The following F13B variants were observed in gnomAD, a reference collection of about 807,000 sequenced individuals.
F13B encodes TGase.
F13B carries 58 observed loss-of-function variants against 79.8 expected under a neutral mutation model. That is an observed-to-expected ratio of 0.73 (90% CI 0.59 to 0.90). The LOEUF (loss-of-function observed/expected upper bound fraction) is 0.90. Ranked by LOEUF, F13B falls within the 40% of genes least tolerant of loss-of-function variation. The pLI is 0.00. For synonymous variants in F13B, 283 were observed against 260.3 expected (o/e 1.09, Z -0.84); for missense variants, 773 against 777.0 (o/e 0.99, Z 0.06).
Position 197,060,392 on chromosome 1 carries a change from C to A in F13B, c.779G>T (p.Trp260Leu), listed in dbSNP as rs2125071222. 1 of 1,612,106 alleles carries A rather than the reference C, an allele frequency of 6.2e-7. No homozygotes were observed. The highest frequency in any genetic ancestry group is 8.5e-7 in the Non-Finnish European group (1 of 1,178,734). ...TTCGCATACAGGAGATTCTGGGTAC[C>A]AACCAAAGTTATAGCATTGAATTAA... ...SDLIQCYNFG[W>L]YPESPVCEGR... Residue 260 changes from tryptophan (W) to leucine (L), a missense_variant, in exon 5 of 12, where the codon TGG becomes TTG. Transcript: ENST00000367412.
chr1:197,056,362 T>C (rs890222929), intron 7 of F13B, among the ~76,000 whole-genome samples: 2 of 152,176 alleles, frequency 1.3e-5, no homozygotes, highest in Non-Finnish European at 2.9e-5. Flanking sequence ...GCATCCTTCA[T>C]TGCTTTTGTC....
chr1:197,040,670 T>C lies in F13B; in HGVS notation c.1804A>G (p.Asn602Asp). The change falls in exon 11 of 12, where the codon AAT becomes GAT. Residue 602 changes from asparagine to aspartate, a missense_variant. Transcript: ENST00000367412. The stretch of plus-strand genomic sequence containing the variant: ...TCACCATGCAAAATGTGTGGTCTAT[T>C]GTCAAAATCCCATTTCAGAAGTAAA... The part of the protein sequence containing the change: ...NNLLLKWDFD[N>D]RPHILHGEYI... 1 of 1,613,156 alleles carries C rather than the reference T, an allele frequency of 6.2e-7. No homozygotes were observed. The highest frequency in any genetic ancestry group is 8.5e-7 in the Non-Finnish European group (1 of 1,179,368).
chr1:197,049,286 A>G (rs1390968406), intron 10 of F13B, among the ~76,000 whole-genome samples: 1 of 152,068 alleles, frequency 6.6e-6, no homozygotes, highest in Admixed American at 6.6e-5. Flanking sequence ...TTAATAAAAT[A>G]GAAAGCAAAA....
chr1:197,041,648 C>T (rs924025390), intron 10 of F13B, among the ~76,000 whole-genome samples: 7 of 152,076 alleles, frequency 4.6e-5, no homozygotes, highest in Non-Finnish European at 1.0e-4. Context: ...TTCAAGAGCC[C>T]CAGTGCATGC....
In F13B at chr1:197,050,850, G is replaced by A. The variant is rs754557020; in HGVS notation, c.1585C>T (p.Leu529Phe). ...CTAATAATGACTCCATGTTTAATAAGAGGAGGAGATGTGCACATTCCTTTA... is the reference window on the plus strand; with the variant it reads ...CTAATAATGACTCCATGTTTAATAAAAGGAGGAGATGTGCACATTCCTTTA... ...ESKGMCTSPP[L>F]IKHGVIISST... The change falls in exon 10 of 12, where the codon CTT (leucine) becomes TTT (phenylalanine). Residue 529 changes from leucine (L) to phenylalanine (F), a missense_variant. Transcript: ENST00000367412. The A allele has an allele frequency of 6.2e-7, 1 of 1,613,184 alleles. No individual in the cohort carries two copies. The highest frequency in any genetic ancestry group is 8.5e-7 in the Non-Finnish European group (1 of 1,179,502).
rs2125071287 is a variant in F13B, at chr1:197,060,445, A to G, written c.726T>C (p.His242=). The G allele has an allele frequency of 6.2e-7, 1 of 1,610,962 alleles. No individual in the cohort carries two copies. The highest frequency in any genetic ancestry group is 8.5e-7 in the Non-Finnish European group (1 of 1,177,842). The change falls in exon 5 of 12, where the codon CAT becomes CAC. Residue 242 remains histidine (H), a synonymous_variant. Coordinates refer to ENST00000367412, the MANE Select transcript of F13B (RefSeq NM_001994.3). ...EEGDVVQFFC[H]ENYYLSGSDL... is the part of the protein sequence containing the mutation. ...CAGATCCACTTAGATAATAATTTTC[A>G]TGACAGAAAAACTGAACGACATCTC...
chr1:197,064,062 A>T (rs1236169140), intron 1 of F13B, among the ~76,000 whole-genome samples: 1 of 152,182 alleles, frequency 6.6e-6, no homozygotes, highest in East Asian at 1.9e-4. Context: ...CCTGGTACTT[A>T]GCATTACTAG....
intron 9 of F13B, among the ~76,000 whole-genome samples, chr1:197,052,407 C>A (rs1655480188): frequency 1.3e-5 from 2 of 151,990 alleles, no homozygotes; most frequent in Non-Finnish European, 2.9e-5. Flanking sequence ...TTCGACGCAG[C>A]AATTCCATTA....
At position 197,060,553 on chromosome 1, in the gene F13B, AAG is replaced by A; in HGVS notation, c.629-13_629-12del. The A allele has an allele frequency of 6.5e-7, 1 of 1,527,494 alleles. No individual in the cohort carries two copies. The highest frequency in any genetic ancestry group is 2.3e-5 in the East Asian group (1 of 44,276). 94.6% of individuals were successfully genotyped at this position (1,527,494 alleles called of 1,614,324 possible). A position where few individuals can be genotyped will look rare whatever the true frequency, so the allele number is the denominator to read the frequency against. On this transcript the variant is annotated splice_polypyrimidine_tract_variant and intron_variant, in intron 4 of 11. Transcript: ENST00000367412. ...AAGAGCACTTTAATTCTGCAAATAA[AAG>A]AATGAATAAAATTACAAACAAATGT...
chr1:197,061,804 G>T lies in F13B; in HGVS notation c.431C>A (p.Pro144Gln). Reference sequence around the variant, plus strand: ...TATACCATGTTCTTTCCTACAGGTTGGTTGAGAAGACCATCCATCAGAGAG... The same window carrying T: ...TATACCATGTTCTTTCCTACAGGTTTGTTGAGAAGACCATCCATCAGAGAG... ...QCLSDGWSSQ[P>Q]TCRKEHETCL... The change falls in exon 3 of 12, where the codon CCA becomes CAA. Residue 144 changes from proline (P) to glutamine (Q), a missense_variant. Transcript: ENST00000367412. The T allele has an allele frequency of 6.2e-7, 1 of 1,613,150 alleles. No individual in the cohort carries two copies. The highest frequency in any genetic ancestry group is 1.1e-5 in the South Asian group (1 of 91,064).
chr1:197,065,594 T>A (rs1041448326), intron 1 of F13B, among the ~76,000 whole-genome samples: 3 of 152,128 alleles, frequency 2.0e-5, no homozygotes, highest in Non-Finnish European at 4.4e-5. Context: ...ATGATATACT[T>A]CAAAACTGCC....
rs766115775 is a variant in F13B at position 197,062,849 on chromosome 1, T to C, written c.265+8A>G. On this transcript the variant is annotated splice_region_variant and intron_variant, in intron 2 of 11. Transcript: ENST00000367412. ...TGAAACATTGAGTGACATATCCAGC[T>C]GACTTACTGAAGCACCTTGGCTCTG... is the stretch of plus-strand genomic sequence containing the variant. 6.2e-7 allele frequency: 1 copy of C among 1,613,508 alleles called. No homozygotes were observed.
intron 8 of F13B, among the ~76,000 whole-genome samples, chr1:197,054,040 G>A (rs1337625795): frequency 6.6e-6 from 1 of 152,058 alleles, no homozygotes; most frequent in Non-Finnish European, 1.5e-5. Flanking sequence ...TTATCATACT[G>A]TTGTGAATTT....
chr1:197,042,142 G>A (rs912114938), intron 10 of F13B, among the ~76,000 whole-genome samples: 1 of 152,182 alleles, frequency 6.6e-6, no homozygotes, highest in Non-Finnish European at 1.5e-5. Context: ...CCGCAGCTGA[G>A]AGCACTGTGT....
At chr1:197,048,240 T>C (rs1486390243) in intron 10 of F13B, among the ~76,000 whole-genome samples, 3 of 151,594 alleles carry the variant, frequency 2.0e-5, no homozygotes, top group African/African-American at 7.3e-5. Flanking sequence ...AACATACACC[T>C]AGTATAGAAA....
At position 197,050,861 on chromosome 1, in the gene F13B, GT is replaced by G; in HGVS notation, c.1573del (p.Thr525HisfsTer16). ...TCCATGTTTAATAAGAGGAGGAGAT[GT>G]GCACATTCCTTTAGATTCTGCAAAA... ...CTRKESKGMC[T>X]SPPLIKHGVI... On this transcript the variant is annotated frameshift_variant, in exon 10 of 12. Coordinates refer to ENST00000367412, the MANE Select transcript of F13B (RefSeq NM_001994.3). LOFTEE classifies it high-confidence loss of function. 1.2e-6 allele frequency: 2 copies of G among 1,613,032 alleles called. No individual in the cohort carries two copies. Among genetic ancestry groups the G allele is most frequent in the Non-Finnish European group, 1.7e-6 (2 of 1,179,396 alleles).
chr1:197,056,037 T>G (rs889327332), intron 7 of F13B, 140 bp from the exon 8 acceptor site: 33 of 847,154 alleles, frequency 3.9e-5, no homozygotes, highest in Non-Finnish European at 1.3e-5. Context: ...GAAAAATTTT[T>G]TCAGCTCAAA....
Position 197,061,960 on chromosome 1 carries a change from G to T in F13B, c.275C>A (p.Thr92Asn). Residue 92 changes from threonine to asparagine, a missense_variant, in exon 3 of 12, where the codon ACT becomes AAT. Transcript: ENST00000367412. ...SPEPRCFKKC[T>N]KPDLSNGYIS... Reference sequence around the variant, plus strand: ...GTAACCATTACTCAGGTCAGGCTTAGTGCATTTTTCTATGGGAAAAAAAAT... The same window carrying T: ...GTAACCATTACTCAGGTCAGGCTTATTGCATTTTTCTATGGGAAAAAAAAT... 1 of 1,611,846 alleles carries T rather than the reference G, an allele frequency of 6.2e-7. No individual in the cohort carries two copies. The highest frequency in any genetic ancestry group is 8.5e-7 in the Non-Finnish European group (1 of 1,178,692).
intron 10 of F13B, 41 bp downstream of exon 10, chr1:197,050,656 T>C: frequency 6.4e-7 from 1 of 1,566,134 alleles, no homozygotes; most frequent in Non-Finnish European, 8.8e-7. Flanking sequence ...ATTAAAAATA[T>C]ATAGTTTTAC....
Sources: allele counts gnomAD v4.1 joint callset (sites outside exome capture counted in the v4.1 genomes callset), GRCh38; gene constraint gnomAD v4.1.1; transcripts MANE v1.5; gene names NCBI Gene and HGNC (gene_info 2026-07-23, HGNC 2026-07-21).